The following ATXN2 variants were observed in gnomAD, a reference collection of about 807,000 sequenced individuals.
The protein encoded by ATXN2 is ataxin-2.
A neutral mutation model predicts 138.6 loss-of-function variants in ATXN2; 37 were observed. The observed-to-expected ratio is 0.27, with a 90% CI of 0.21 to 0.35. The LOEUF is 0.35. ATXN2 is among the 10% of genes least tolerant of loss of function. The pLI, the probability that ATXN2 is intolerant of heterozygous loss-of-function variation, is 1.00. For missense variants in ATXN2, 1,216 were observed against 1,480.3 expected (o/e 0.82, Z 2.93); for synonymous variants, 549 against 543.7 (o/e 1.01, Z -0.13).
intron 18 of ATXN2, among the ~76,000 whole-genome samples, chr12:111,478,600 C>A (rs1179279101): frequency 6.6e-6 from 1 of 152,102 alleles, no homozygotes; most frequent in Non-Finnish European, 1.5e-5. Context: ...TAACACAATA[C>A]CAAGTGTTGG....
At chr12:111,462,973 T>TACACACAC (rs201023351) in intron 21 of ATXN2, among the ~76,000 whole-genome samples, 2 of 136,574 alleles carry the variant, frequency 1.5e-5, no homozygotes, top group African/African-American at 2.8e-5. Context: ...CATATATATA[T>TACACACAC]ATATACACAC....
intron 14 of ATXN2, among the ~76,000 whole-genome samples, chr12:111,507,541 G>A (rs1592844583): frequency 6.7e-6 from 1 of 149,828 alleles, no homozygotes; most frequent in African/African-American, 2.5e-5. Context: ...AGGGAGGTGG[G>A]GGGTCAGCCC....
intron 10 of ATXN2, among the ~76,000 whole-genome samples, chr12:111,515,925 A>C (rs1013949353): frequency 1.3e-5 from 2 of 152,236 alleles, no homozygotes; most frequent in African/African-American, 4.8e-5. Flanking sequence ...TATCAGGCAG[A>C]GATAAACCCC....
chr12:111,540,135 T>C (rs1181689994), intron 5 of ATXN2, among the ~76,000 whole-genome samples: 2 of 145,990 alleles, frequency 1.4e-5, no homozygotes, highest in African/African-American at 2.7e-5. Context: ...GAAATAGAAA[T>C]AGAACAAAAT....
At chr12:111,573,542 GCAATGGAAC>G (rs1883457907) in intron 1 of ATXN2, among the ~76,000 whole-genome samples, 2 of 152,098 alleles carry the variant, frequency 1.3e-5, no homozygotes, top group East Asian at 3.9e-4. Context: ...TATATTAGAA[GCAATGGAAC>G]AGTTATTAAA....
rs765424170 is a variant in ATXN2 at position 111,599,099 on chromosome 12, G to C, written c.-65C>G. ...ACAGCCGGGAGCCGGGCGCGCCAAG[G>C]AGACGCCGGAACGCGGCGGGGACGC... On this transcript the variant is annotated 5_prime_UTR_variant, in exon 1 of 25. Coordinates refer to ENST00000673436, the MANE Select transcript of ATXN2 (RefSeq NM_001372574.1). The C allele has an allele frequency of 5.3e-6, 7 of 1,317,256 alleles. No homozygotes were observed. In the Admixed American group the frequency reaches 1.5e-4, roughly 27 times the overall value. 81.6% of individuals were successfully genotyped at this position (1,317,256 alleles called of 1,614,324 possible). A position where few individuals can be genotyped will look rare whatever the true frequency, so the allele number is the denominator to read the frequency against.
At chr12:111,582,638 TAA>T (rs1884072690) in intron 1 of ATXN2, among the ~76,000 whole-genome samples, 1 of 152,136 alleles carries the variant, frequency 6.6e-6, no homozygotes, top group African/African-American at 2.4e-5. Context: ...CAGAAAATAT[TAA>T]GACTTTAGTA....
At chr12:111,551,194 G>A (rs1346574284) in intron 5 of ATXN2, among the ~76,000 whole-genome samples, 1 of 151,980 alleles carries the variant, frequency 6.6e-6, no homozygotes, top group African/African-American at 2.4e-5. Flanking sequence ...CTACTCAGGA[G>A]GCTGAGGCAG....
chr12:111,523,735 C>T (rs558426895), intron 6 of ATXN2, among the ~76,000 whole-genome samples: 3 of 149,980 alleles, frequency 2.0e-5, no homozygotes, highest in South Asian at 2.1e-4. Context: ...CTCAAAACAA[C>T]AGCAACAACA....
At chr12:111,478,359 T>C (rs770169780) in intron 18 of ATXN2, among the ~76,000 whole-genome samples, 3 of 152,056 alleles carry the variant, frequency 2.0e-5, no homozygotes, top group Non-Finnish European at 2.9e-5. Flanking sequence ...TGAGCCAAGA[T>C]GGCACCACTG....
chr12:111,462,965 T>TACACAC (rs558178919), intron 21 of ATXN2, among the ~76,000 whole-genome samples: 15 of 139,816 alleles, frequency 1.1e-4, no homozygotes, highest in African/African-American at 4.3e-4. Context: ...CACACATACA[T>TACACAC]ATATATATAT....
At chr12:111,506,695 G>A (rs1011410668) in intron 14 of ATXN2, among the ~76,000 whole-genome samples, 3 of 116,348 alleles carry the variant, frequency 2.6e-5, no homozygotes, top group Admixed American at 1.2e-4. Context: ...CTCTTTCCAC[G>A]GTCTCCCTCT....
intron 18 of ATXN2, among the ~76,000 whole-genome samples, chr12:111,476,708 A>AAGAAAACT (rs1876839457): frequency 1.3e-5 from 2 of 152,344 alleles, no homozygotes; most frequent in East Asian, 3.9e-4. Context: ...AACTGATACA[A>AAGAAAACT]AGAAAACTAG....
At chr12:111,563,521 C>A (rs2095932819) in intron 1 of ATXN2, among the ~76,000 whole-genome samples, 2 of 151,946 alleles carry the variant, frequency 1.3e-5, no homozygotes, top group South Asian at 4.2e-4. Context: ...GTATTTAGGG[C>A]TAAAGAGGCA....
At chr12:111,535,320 C>T (rs1464106861) in intron 5 of ATXN2, among the ~76,000 whole-genome samples, 1 of 152,010 alleles carries the variant, frequency 6.6e-6, no homozygotes, top group Non-Finnish European at 1.5e-5. Context: ...GGGATTAAAT[C>T]CAGGAGTAAA....
intron 1 of ATXN2, among the ~76,000 whole-genome samples, chr12:111,558,549 G>A (rs907049251): frequency 6.6e-6 from 1 of 152,150 alleles, no homozygotes; most frequent in African/African-American, 2.4e-5. Context: ...TGTAATCCCA[G>A]CACTTTAGGA....
intron 11 of ATXN2, among the ~76,000 whole-genome samples, chr12:111,512,305 TTTTGTTTG>T (rs541209261): frequency 7.2e-5 from 11 of 152,268 alleles, no homozygotes; most frequent in South Asian, 2.1e-4. Context: ...AAAGTGTTTT[TTTTGTTTG>T]TTTGTTTGTT....
At chr12:111,540,297 C>T (rs1881426012) in intron 5 of ATXN2, among the ~76,000 whole-genome samples, 1 of 150,444 alleles carries the variant, frequency 6.6e-6, no homozygotes, top group Non-Finnish European at 1.5e-5. Context: ...TTACACAACC[C>T]TATCAGTAAA....
intron 1 of ATXN2, among the ~76,000 whole-genome samples, chr12:111,590,827 G>C (rs1434263844): frequency 1.3e-5 from 2 of 152,076 alleles, no homozygotes; most frequent in African/African-American, 2.4e-5. Context: ...ACTGCATATA[G>C]CAAGAGATGT....
Sources: gnomAD v4.1 joint callset for allele counts (sites outside exome capture counted in the v4.1 genomes callset) on GRCh38, gnomAD v4.1.1 for gene constraint, MANE v1.5 for transcripts, NCBI Gene and HGNC (gene_info 2026-07-23, HGNC 2026-07-21) for gene names.